RTN4IP1: variants seen among roughly 807,000 people sequenced by gnomAD.
RTN4IP1 encodes the protein reticulon 4 interacting protein 1, also known as NAD(P)H oxidoreductase RTN4IP1, mitochondrial.
RTN4IP1 carries 32 observed loss-of-function variants against 46.6 expected under a neutral mutation model. The observed-to-expected ratio is 0.69, with a 90% CI of 0.52 to 0.92. The LOEUF is 0.92. Ranked by LOEUF, RTN4IP1 falls within the 40% of genes least tolerant of loss-of-function variation. The probability of loss-of-function intolerance (pLI) is 0.00; values close to 1 mark genes in which losing one functional copy is unlikely to be tolerated. For synonymous variants in RTN4IP1, 167 were observed against 161.8 expected, an observed-to-expected ratio of 1.03 and a Z score of -0.24; for missense variants, 424 against 485.8, an observed-to-expected ratio of 0.87 and a Z score of 1.20.
chr6:106,620,032 T>C (rs1436227172), intron 3 of RTN4IP1, among the ~76,000 whole-genome samples: 6 of 152,154 alleles, frequency 3.9e-5, no homozygotes, highest in Non-Finnish European at 8.8e-5. Flanking sequence ...ACATAACATA[T>C]TCTAGCTTCC....
intron 8 of RTN4IP1, among the ~76,000 whole-genome samples, chr6:106,581,994 G>A (rs961999274): frequency 6.6e-6 from 1 of 152,170 alleles, no homozygotes; most frequent in Non-Finnish European, 1.5e-5. Context: ...CCTGTGGGAT[G>A]TGGGAGAACC....
Position 106,600,091 on chromosome 6 carries a change from G to A in RTN4IP1, c.669+2783C>T, listed in dbSNP as rs992196124. ...TAAAGTGTGCATCCCAGGAATCCTC[G>A]CCTCCTTCACCTAGTTCAGTCAGCA... On this transcript the variant is annotated intron_variant, in intron 5 of 8. Coordinates refer to ENST00000369063, the MANE Select transcript of RTN4IP1 (RefSeq NM_032730.5). 7.2e-5 allele frequency among the ~76,000 whole-genome samples: 11 copies of A among 151,964 alleles called. No individual in the cohort carries two copies. The South Asian group carries it at 8.3e-4, about 11-fold the overall frequency.
intron 4 of RTN4IP1, among the ~76,000 whole-genome samples, chr6:106,603,454 CA>C (rs1271273139): frequency 6.6e-6 from 1 of 152,096 alleles, no homozygotes; most frequent in Non-Finnish European, 1.5e-5. Context: ...TCTGTCAAAC[CA>C]GCACAACCAT....
At chr6:106,588,780 A>C (rs1451280307) in intron 6 of RTN4IP1, among the ~76,000 whole-genome samples, 2 of 152,118 alleles carry the variant, frequency 1.3e-5, no homozygotes, top group Non-Finnish European at 2.9e-5. Context: ...CACTTTGGCC[A>C]ACTTTGTGGA....
At chr6:106,598,569 T>G (rs1214841308) in intron 5 of RTN4IP1, among the ~76,000 whole-genome samples, 1 of 151,764 alleles carries the variant, frequency 6.6e-6, no homozygotes, top group Non-Finnish European at 1.5e-5. Flanking sequence ...TAAATTTGTT[T>G]GAGTTCATTG....
rs1023103707 is a variant in RTN4IP1, at chr6:106,628,993, C to T, written c.29G>A (p.Arg10Lys). Residue 10 changes from arginine (R) to lysine (K), a missense_variant, in exon 1 of 9, where the codon AGA becomes AAA. Arg to Lys is a conservative substitution (Grantham distance 26). Coordinates refer to ENST00000369063, the MANE Select transcript of RTN4IP1 (RefSeq NM_032730.5). ...GCAAACCGCAGTGCATGCATTTCTTCTAAGTACACAAGTCTTCAGAAATTC... is the reference window on the plus strand; with the variant it reads ...GCAAACCGCAGTGCATGCATTTCTTTTAAGTACACAAGTCTTCAGAAATTC... MEFLKTCVLRRNACTAVCFW... is the reference protein window; with the variant it reads MEFLKTCVLKRNACTAVCFW... The T allele has an allele frequency of 5.0e-6, 8 of 1,613,496 alleles. No individual in the cohort carries two copies. Among genetic ancestry groups the T allele is most frequent in the Non-Finnish European group, 6.8e-6 (8 of 1,179,864 alleles).
intron 1 of RTN4IP1, among the ~76,000 whole-genome samples, chr6:106,626,642 T>G (rs1404174312): frequency 6.6e-6 from 1 of 152,168 alleles, no homozygotes; most frequent in African/African-American, 2.4e-5. Context: ...TGGCTCACTG[T>G]TACTATCTAA....
intron 5 of RTN4IP1, among the ~76,000 whole-genome samples, chr6:106,602,088 T>G (rs944370684): frequency 1.3e-5 from 2 of 152,228 alleles, no homozygotes; most frequent in Non-Finnish European, 2.9e-5. Context: ...GGTTTATTTC[T>G]GGATGCTCAA....
chr6:106,572,197 A>C, intron 8 of RTN4IP1, 94 bp from the exon 9 acceptor site: 1 of 1,000,884 alleles, frequency 1.0e-6, no homozygotes, highest in Non-Finnish European at 1.6e-6. Context: ...GTGTCCCTCA[A>C]GCCACAGTCT....
At chr6:106,598,157 C>T (rs1287721157) in intron 5 of RTN4IP1, among the ~76,000 whole-genome samples, 1 of 152,008 alleles carries the variant, frequency 6.6e-6, no homozygotes, top group South Asian at 2.1e-4. Context: ...AATAAACATA[C>T]GTGTGCATGT....
chr6:106,605,973 G>A (rs34060277), intron 4 of RTN4IP1, among the ~76,000 whole-genome samples: 2,238 of 152,060 alleles, frequency 0.015, 19 homozygotes, highest in Non-Finnish European at 0.023. Flanking sequence ...TTAAGCAAGA[G>A]AAAGAAATAA....
intron 4 of RTN4IP1, among the ~76,000 whole-genome samples, chr6:106,608,059 G>C (rs1350554584): frequency 6.6e-6 from 1 of 152,122 alleles, no homozygotes; most frequent in Non-Finnish European, 1.5e-5. Context: ...ATTTGCAATA[G>C]CCAAGATATG....
intron 5 of RTN4IP1, among the ~76,000 whole-genome samples, chr6:106,592,905 G>A (rs926804558): frequency 9.9e-5 from 15 of 151,654 alleles, no homozygotes; most frequent in Admixed American, 2.0e-4. Context: ...CTCCAGCCTG[G>A]GGTACAAGAG....
chr6:106,604,795 A>T (rs1776023384), intron 4 of RTN4IP1, among the ~76,000 whole-genome samples: 1 of 152,152 alleles, frequency 6.6e-6, no homozygotes, highest in Admixed American at 6.6e-5. Flanking sequence ...TGAAGAGGGT[A>T]TGTAGGCATC....
At chr6:106,584,281 G>A (rs935051777) in intron 7 of RTN4IP1, among the ~76,000 whole-genome samples, 4 of 152,074 alleles carry the variant, frequency 2.6e-5, no homozygotes, top group Admixed American at 6.6e-5. Flanking sequence ...AGGCCATTAC[G>A]GAAACAGCAA....
At chr6:106,618,240 T>G (rs1776398552) in intron 4 of RTN4IP1, among the ~76,000 whole-genome samples, 2 of 152,124 alleles carry the variant, frequency 1.3e-5, no homozygotes, top group Non-Finnish European at 2.9e-5. Flanking sequence ...TAGAACAGAA[T>G]CACACAGACT....
intron 3 of RTN4IP1, among the ~76,000 whole-genome samples, chr6:106,619,740 T>G (rs1413272943): frequency 1.3e-5 from 2 of 150,846 alleles, no homozygotes; most frequent in Admixed American, 6.6e-5. Context: ...GCCTCCTGAG[T>G]AGCTGGGACT....
intron 5 of RTN4IP1, among the ~76,000 whole-genome samples, chr6:106,598,927 G>A (rs1352319878): frequency 2.0e-5 from 3 of 151,922 alleles, no homozygotes; most frequent in Non-Finnish European, 2.9e-5. Flanking sequence ...AGCATTATGT[G>A]TTGTGTTTAC....
chr6:106,576,954 C>G (rs1775243917), intron 8 of RTN4IP1, among the ~76,000 whole-genome samples: 2 of 152,120 alleles, frequency 1.3e-5, no homozygotes, highest in Non-Finnish European at 2.9e-5. Context: ...GAATTGAACT[C>G]AAATATGGTG....
Sources: allele counts gnomAD v4.1 joint callset (sites outside exome capture counted in the v4.1 genomes callset), GRCh38; gene constraint gnomAD v4.1.1; transcripts MANE v1.5; gene names NCBI Gene and HGNC (gene_info 2026-07-23, HGNC 2026-07-21).